ARIH1: variants seen among roughly 807,000 people sequenced by gnomAD.
ARIH1 encodes E3 ubiquitin-protein ligase ARIH1.
A neutral mutation model predicts 85.0 loss-of-function variants in ARIH1; 8 were observed. That is an observed-to-expected ratio of 0.09 (90% CI 0.06 to 0.17). The LOEUF is 0.17. ARIH1 is among the 10% of genes least tolerant of loss of function. The probability of loss-of-function intolerance (pLI) is 1.00; values close to 1 mark genes in which losing one functional copy is unlikely to be tolerated. For synonymous variants in ARIH1, 238 were observed against 253.6 expected (o/e 0.94, Z 0.59); for missense variants, 311 against 718.1 (o/e 0.43, Z 6.48).
rs2064308155 is a variant in ARIH1, at chr15:72,584,533, T to A, written c.*1241T>A. On this transcript the variant is annotated 3_prime_UTR_variant, in exon 14 of 14. Coordinates refer to ENST00000379887, the MANE Select transcript of ARIH1 (RefSeq NM_005744.5). ...CAAAGAGAATGTTTTGCTTTAAATATAAATAGCCATTCATTTAGTCTCAGA... is the reference window on the plus strand; with the variant it reads ...CAAAGAGAATGTTTTGCTTTAAATAAAAATAGCCATTCATTTAGTCTCAGA... 1 of 152,226 alleles carries A rather than the reference T, an allele frequency of 6.6e-6. No homozygotes were observed. The highest frequency in any genetic ancestry group is 1.5e-5 in the Non-Finnish European group (1 of 68,042). The allele number at this position is 152,226 out of a possible 1,614,324, so 9.4% of individuals were successfully genotyped here. A position where few individuals can be genotyped will look rare whatever the true frequency, so the allele number is the denominator to read the frequency against.
intron 1 of ARIH1, among the ~76,000 whole-genome samples, chr15:72,482,941 A>G (rs2063822251): frequency 6.6e-6 from 1 of 151,578 alleles, no homozygotes; most frequent in Non-Finnish European, 1.5e-5. Context: ...CTTGAGTCCA[A>G]GTGATCCTCT....
At chr15:72,480,947 A>T (rs1209981662) in intron 1 of ARIH1, among the ~76,000 whole-genome samples, 1 of 152,154 alleles carries the variant, frequency 6.6e-6, no homozygotes, top group Non-Finnish European at 1.5e-5. Flanking sequence ...TTATTCGTTT[A>T]ACATCATTTT....
chr15:72,518,786 C>CA (rs1207137942), intron 2 of ARIH1, among the ~76,000 whole-genome samples: 9,257 of 91,976 alleles, frequency 0.1, 361 homozygotes, highest in Middle Eastern at 0.16. Context: ...GACTCTATCT[C>CA]AAAAAAAAAA....
chr15:72,531,357 T>G (rs547215190), intron 2 of ARIH1, among the ~76,000 whole-genome samples: 2 of 152,106 alleles, frequency 1.3e-5, no homozygotes, highest in Admixed American at 6.6e-5. Flanking sequence ...AGCTTGCACC[T>G]CCCGGGTTCA....
chr15:72,475,198 C>A, intron 1 of ARIH1, 184 bp downstream of exon 1: 1 of 1,303,180 alleles, frequency 7.7e-7, no homozygotes, highest in Non-Finnish European at 9.9e-7. Flanking sequence ...CGCCGATTAG[C>A]CGGGTGTGGG....
At chr15:72,485,157 C>T (rs1006704331) in intron 1 of ARIH1, among the ~76,000 whole-genome samples, 1 of 152,182 alleles carries the variant, frequency 6.6e-6, no homozygotes, top group East Asian at 1.9e-4. Flanking sequence ...TTGAATCCCA[C>T]GTACTCTACC....
intron 1 of ARIH1, among the ~76,000 whole-genome samples, chr15:72,517,304 A>G (rs895183896): frequency 1.4e-4 from 21 of 152,100 alleles, no homozygotes; most frequent in Non-Finnish European, 3.1e-4. Context: ...GGGTCTAACT[A>G]TGTTGTCCAG....
At position 72,599,746 on chromosome 15, in the gene ARIH1, GTCT is replaced by G. The variant is rs1196993424; in HGVS notation, c.*16456_*16458del. ...AGGACTTTTACAGGCTGCATAATAT[GTCT>G]TAATATGGATGTATCTTAGTTTATT... On this transcript the variant is annotated 3_prime_UTR_variant, in exon 14 of 14. Coordinates refer to ENST00000379887, the MANE Select transcript of ARIH1 (RefSeq NM_005744.5). 1 of 152,116 alleles carries G rather than the reference GTCT, an allele frequency of 6.6e-6. No individual in the cohort carries two copies. Among genetic ancestry groups the G allele is most frequent in the Non-Finnish European group, 1.5e-5 (1 of 68,024 alleles). The allele number at this position is 152,116 out of a possible 1,614,324, so 9.4% of individuals were successfully genotyped here. A position where few individuals can be genotyped will look rare whatever the true frequency, so the allele number is the denominator to read the frequency against.
At chr15:72,522,853 C>T (rs2064006425) in intron 2 of ARIH1, among the ~76,000 whole-genome samples, 1 of 152,194 alleles carries the variant, frequency 6.6e-6, no homozygotes, top group Admixed American at 6.5e-5. Flanking sequence ...ACAGACACCT[C>T]ACCAAAGAAG....
chr15:72,563,717 T>C (rs191543753), intron 7 of ARIH1, among the ~76,000 whole-genome samples: 1 of 151,612 alleles, frequency 6.6e-6, no homozygotes, highest in East Asian at 1.9e-4. Context: ...CTTTTTTGAA[T>C]TTTTTTTTAT....
At chr15:72,504,662 C>T (rs906722464) in intron 1 of ARIH1, among the ~76,000 whole-genome samples, 54 of 152,174 alleles carry the variant, frequency 3.5e-4, no homozygotes, top group Admixed American at 3.3e-3. Context: ...AAGCAACATT[C>T]GATTGGTAAA....
At chr15:72,514,822 T>C (rs1293740297) in intron 1 of ARIH1, among the ~76,000 whole-genome samples, 1 of 151,280 alleles carries the variant, frequency 6.6e-6, no homozygotes, top group African/African-American at 2.4e-5. Flanking sequence ...TAGAGGGGGT[T>C]TCACCCTCTC....
chr15:72,512,216 T>C (rs2063953814), intron 1 of ARIH1, among the ~76,000 whole-genome samples: 2 of 152,082 alleles, frequency 1.3e-5, no homozygotes, highest in Non-Finnish European at 2.9e-5. Context: ...TGTAGAATTT[T>C]TTTTTTTCTT....
At chr15:72,550,435 G>A (rs2064148637) in intron 3 of ARIH1, among the ~76,000 whole-genome samples, 1 of 152,068 alleles carries the variant, frequency 6.6e-6, no homozygotes. Flanking sequence ...ATGTTTTTAA[G>A]TTTTGAATAA....
chr15:72,521,015 T>C (rs1356332696), intron 2 of ARIH1, among the ~76,000 whole-genome samples: 1 of 152,028 alleles, frequency 6.6e-6, no homozygotes, highest in East Asian at 1.9e-4. Flanking sequence ...AGTTAGTTTT[T>C]ATATTTTTTT....
intron 5 of ARIH1, among the ~76,000 whole-genome samples, chr15:72,558,421 C>T (rs1352546542): frequency 6.6e-6 from 1 of 152,168 alleles, no homozygotes; most frequent in Non-Finnish European, 1.5e-5. Context: ...CCTGCCTCAG[C>T]CTCCTGAGTA....
intron 1 of ARIH1, among the ~76,000 whole-genome samples, chr15:72,499,045 A>G (rs1449305378): frequency 1.6e-5 from 2 of 123,192 alleles, no homozygotes; most frequent in Non-Finnish European, 3.2e-5. Flanking sequence ...CAGTAGTGTG[A>G]TCTCGGCTCA....
chr15:72,572,880 C>T (rs936393980), intron 11 of ARIH1, among the ~76,000 whole-genome samples: 1 of 152,158 alleles, frequency 6.6e-6, no homozygotes, highest in Non-Finnish European at 1.5e-5. Context: ...GTCTCAGGAA[C>T]TGAGAAATTC....
At chr15:72,493,409 A>G (rs1175596182) in intron 1 of ARIH1, among the ~76,000 whole-genome samples, 1 of 152,174 alleles carries the variant, frequency 6.6e-6, no homozygotes, top group Non-Finnish European at 1.5e-5. Flanking sequence ...AGTTTACATA[A>G]GGTAGAACAC....
Sources: allele counts gnomAD v4.1 joint callset (sites outside exome capture counted in the v4.1 genomes callset), GRCh38; gene constraint gnomAD v4.1.1; transcripts MANE v1.5; gene names NCBI Gene and HGNC (gene_info 2026-07-23, HGNC 2026-07-21).